CACNA2D1: variants seen among roughly 807,000 people sequenced by gnomAD.
CACNA2D1 encodes the protein voltage-dependent calcium channel subunit alpha-2/delta-1.
CACNA2D1 carries 53 observed loss-of-function variants against 171.5 expected under a neutral mutation model. That is an observed-to-expected ratio of 0.31 (90% CI 0.25 to 0.39). CACNA2D1 has a LOEUF of 0.39. CACNA2D1 is among the 10% of genes least tolerant of loss of function. The pLI, the probability that CACNA2D1 is intolerant of heterozygous loss-of-function variation, is 1.00. For synonymous variants in CACNA2D1, 442 were observed against 443.1 expected (o/e 1.00, Z 0.03); for missense variants, 903 against 1,299.8 (o/e 0.69, Z 4.69).
In CACNA2D1 at chr7:81,949,475, A is replaced by T. The variant is rs1244227200; in HGVS notation, c.*917T>A. The T allele has an allele frequency of 1.4e-4, 22 of 152,150 alleles. No homozygotes were observed. The allele number at this position is 152,150 out of a possible 1,614,324, so 9.4% of individuals were successfully genotyped here. A position where few individuals can be genotyped will look rare whatever the true frequency, so the allele number is the denominator to read the frequency against. On this transcript the variant is annotated 3_prime_UTR_variant, in exon 39 of 39. Coordinates refer to ENST00000356860, the MANE Select transcript of CACNA2D1 (RefSeq NM_000722.4). ...TAAGAGAAAAAACAACTGAAAAGTT[A>T]AAATAGCAGCAGCATCATGCAAAAT...
chr7:82,309,927 G>A lies in CACNA2D1; in HGVS notation c.294+25208C>T, dbSNP rs1479640801. Among the ~76,000 whole-genome samples, 2 of 152,120 alleles carry A rather than the reference G, an allele frequency of 1.3e-5. 1 individual carries two copies. The highest frequency in any genetic ancestry group is 4.1e-4 in the South Asian group (2 of 4,830). On this transcript the variant is annotated intron_variant, in intron 3 of 38. Transcript: ENST00000356860. ...TGTCATAGTTGCAAAATACTTTTCAGTAAAGTCTTTAAGGCTTGTTATGTG... is the reference window on the plus strand; with the variant it reads ...TGTCATAGTTGCAAAATACTTTTCAATAAAGTCTTTAAGGCTTGTTATGTG...
chr7:82,143,623 GTAAT>G (rs1246004617), intron 4 of CACNA2D1, among the ~76,000 whole-genome samples: 1 of 152,076 alleles, frequency 6.6e-6, no homozygotes, highest in Non-Finnish European at 1.5e-5. Context: ...AATGCAAATG[GTAAT>G]TAATTGGAGT....
chr7:82,394,101 G>T (rs1478450032), intron 1 of CACNA2D1, among the ~76,000 whole-genome samples: 1 of 152,238 alleles, frequency 6.6e-6, no homozygotes, highest in Non-Finnish European at 1.5e-5. Context: ...GCAAGTAAAA[G>T]GTAGAATGGG....
At chr7:82,434,441 G>A (rs1829951825) in intron 1 of CACNA2D1, among the ~76,000 whole-genome samples, 1 of 151,954 alleles carries the variant, frequency 6.6e-6, no homozygotes, top group South Asian at 2.1e-4. Context: ...CATCAGCCAG[G>A]CATTAAGTCT....
rs1365577176 is a variant in CACNA2D1, at chr7:81,981,763, T to C, written c.1955+804A>G. On this transcript the variant is annotated intron_variant, in intron 24 of 38. Coordinates refer to ENST00000356860, the MANE Select transcript of CACNA2D1 (RefSeq NM_000722.4). ...TCAAATAATTACAAGAAAACTGAGA[T>C]GGAGAAAAAGATGTACATGCGTGAT... Among the ~76,000 whole-genome samples, 4 of 151,952 alleles carry C rather than the reference T, an allele frequency of 2.6e-5. No individual in the cohort carries two copies. In the East Asian group the frequency reaches 7.7e-4, roughly 29 times the overall value.
chr7:82,289,912 T>C (rs1383101444), intron 3 of CACNA2D1, among the ~76,000 whole-genome samples: 1 of 150,274 alleles, frequency 6.7e-6, no homozygotes, highest in Non-Finnish European at 1.5e-5. Flanking sequence ...TATTTTCCAC[T>C]GAAAAGACTG....
intron 1 of CACNA2D1, among the ~76,000 whole-genome samples, chr7:82,362,639 C>A (rs745542943): frequency 6.6e-6 from 1 of 152,182 alleles, no homozygotes; most frequent in Non-Finnish European, 1.5e-5. Flanking sequence ...TTTCCCAAAG[C>A]TCTGGTTTAT....
chr7:82,393,467 T>C (rs1020506654), intron 1 of CACNA2D1, among the ~76,000 whole-genome samples: 4 of 152,172 alleles, frequency 2.6e-5, no homozygotes, highest in Non-Finnish European at 5.9e-5. Flanking sequence ...AAGATATATA[T>C]TGAAATTAGA....
intron 3 of CACNA2D1, among the ~76,000 whole-genome samples, chr7:82,279,383 A>T (rs1809781163): frequency 6.6e-6 from 1 of 152,162 alleles, no homozygotes; most frequent in African/African-American, 2.4e-5. Context: ...ACAGTTGGCA[A>T]TTCAAATTTT....
chr7:82,145,301 AT>A lies in CACNA2D1; in HGVS notation c.355-8626del, dbSNP rs1007592595. On this transcript the variant is annotated intron_variant, in intron 4 of 38. Coordinates refer to ENST00000356860, the MANE Select transcript of CACNA2D1 (RefSeq NM_000722.4). ...TAAAATAAAAAATAAAAATATATAA[AT>A]TATGTAAAATATAAATTATATATAA... 3.6e-3 allele frequency among the ~76,000 whole-genome samples: 523 copies of A among 145,366 alleles called. 4 individuals are homozygous for A. Among genetic ancestry groups the A allele is most frequent in the South Asian group, 0.012 (56 of 4,762 alleles).
chr7:81,996,288 A>G (rs1798034663), intron 19 of CACNA2D1, among the ~76,000 whole-genome samples: 1 of 152,140 alleles, frequency 6.6e-6, no homozygotes, highest in Non-Finnish European at 1.5e-5. Context: ...TATTATGTCA[A>G]TTACTTTACA....
intron 28 of CACNA2D1, among the ~76,000 whole-genome samples, chr7:81,969,462 A>C (rs1795043198): frequency 6.6e-6 from 1 of 151,318 alleles, no homozygotes; most frequent in African/African-American, 2.4e-5. Flanking sequence ...GTTTTTGGGA[A>C]ATAAGTCAAT....
chr7:82,408,888 A>G (rs760667775), intron 1 of CACNA2D1, among the ~76,000 whole-genome samples: 4 of 152,242 alleles, frequency 2.6e-5, no homozygotes, highest in African/African-American at 4.8e-5. Context: ...TAAGCTACCA[A>G]CAAAGCTTCA....
chr7:82,062,647 G>A (rs1417035526), intron 9 of CACNA2D1, among the ~76,000 whole-genome samples: 1 of 141,694 alleles, frequency 7.1e-6, no homozygotes, highest in Non-Finnish European at 1.5e-5. Flanking sequence ...TGTGCACAAC[G>A]TGCAGGTTTG....
intron 10 of CACNA2D1, among the ~76,000 whole-genome samples, chr7:82,047,611 T>G (rs1244628953): frequency 2.0e-5 from 3 of 152,148 alleles, no homozygotes; most frequent in Non-Finnish European, 4.4e-5. Context: ...GTACATTTTT[T>G]GTTCAGCACT....
chr7:82,321,469 G>C (rs1442352906), intron 3 of CACNA2D1, among the ~76,000 whole-genome samples: 6 of 152,000 alleles, frequency 3.9e-5, no homozygotes, highest in Non-Finnish European at 7.4e-5. Context: ...GATGGCTTTC[G>C]CCTCAAAATG....
intron 5 of CACNA2D1, among the ~76,000 whole-genome samples, chr7:82,131,714 TGAA>T (rs1790998296): frequency 6.6e-6 from 1 of 152,136 alleles, no homozygotes; most frequent in East Asian, 1.9e-4. Flanking sequence ...AAATTTTTAA[TGAA>T]GAATATGACA....
At chr7:82,287,997 AT>A (rs5885283) in intron 3 of CACNA2D1, among the ~76,000 whole-genome samples, 78,451 of 138,812 alleles carry the variant, frequency 0.57, 21,821 homozygotes, top group Middle Eastern at 0.6. Flanking sequence ...TGCCCGGCTA[AT>A]TTTTTTTTTT....
intron 24 of CACNA2D1, among the ~76,000 whole-genome samples, chr7:81,981,369 C>T (rs1229518): frequency 0.29 from 44,702 of 152,006 alleles, 7,415 homozygotes; most frequent in Non-Finnish European, 0.38. Flanking sequence ...GCGTCACACA[C>T]TAAAGGAAAT....
Sources: gnomAD v4.1 joint callset for allele counts (sites outside exome capture counted in the v4.1 genomes callset) on GRCh38, gnomAD v4.1.1 for gene constraint, MANE v1.5 for transcripts, NCBI Gene and HGNC (gene_info 2026-07-23, HGNC 2026-07-21) for gene names.